The following SLC35F1 variants were observed in gnomAD, a reference collection of about 807,000 sequenced individuals.
SLC35F1 encodes the protein chromosome 6 open reading frame 169.
A neutral mutation model predicts 48.7 loss-of-function variants in SLC35F1; 14 were observed. The observed-to-expected ratio is 0.29, with a 90% CI of 0.19 to 0.45. SLC35F1 has a LOEUF of 0.45. SLC35F1 is among the 20% of genes least tolerant of loss of function. SLC35F1 has a pLI of 1.00. For missense variants in SLC35F1, 404 were observed against 500.0 expected, an observed-to-expected ratio of 0.81 and a Z score of 1.83; for synonymous variants, 190 against 202.2, an observed-to-expected ratio of 0.94 and a Z score of 0.51.
At chr6:117,929,009 C>G (rs1776065128) in intron 1 of SLC35F1, among the ~76,000 whole-genome samples, 1 of 152,020 alleles carries the variant, frequency 6.6e-6, no homozygotes, top group Admixed American at 6.6e-5. Context: ...ATCATCAGGC[C>G]TTCCAGATAG....
chr6:118,169,513 A>G lies in SLC35F1; in HGVS notation c.349+14893A>G, dbSNP rs1044765935. 4.6e-5 allele frequency among the ~76,000 whole-genome samples: 7 copies of G among 152,176 alleles called. No homozygotes were observed. The East Asian group carries it at 1.2e-3, about 25-fold the overall frequency. On this transcript the variant is annotated intron_variant, in intron 2 of 7. Coordinates refer to ENST00000360388, the MANE Select transcript of SLC35F1 (RefSeq NM_001029858.4). ...CGTCAGTTAAATTTCATGATGATCTATTGAGCTGTGTTCCCAACACTATGA... is the reference window on the plus strand; with the variant it reads ...CGTCAGTTAAATTTCATGATGATCTGTTGAGCTGTGTTCCCAACACTATGA...
At chr6:118,162,018 T>G (rs995800546) in intron 2 of SLC35F1, among the ~76,000 whole-genome samples, 1 of 152,168 alleles carries the variant, frequency 6.6e-6, no homozygotes, top group African/African-American at 2.4e-5. Context: ...ACAATTGCAT[T>G]TTTACAAGAG....
At chr6:118,073,252 A>G (rs1031435733) in intron 1 of SLC35F1, among the ~76,000 whole-genome samples, 1 of 152,232 alleles carries the variant, frequency 6.6e-6, no homozygotes, top group Non-Finnish European at 1.5e-5. Flanking sequence ...AGGCTAAAAT[A>G]TAGCCGAATG....
At chr6:118,212,008 G>A (rs975020414) in intron 2 of SLC35F1, among the ~76,000 whole-genome samples, 1 of 152,082 alleles carries the variant, frequency 6.6e-6, no homozygotes, top group Non-Finnish European at 1.5e-5. Flanking sequence ...GTCCCCTCTA[G>A]TTTAGCTACA....
chr6:118,110,540 A>G (rs1171909871), intron 1 of SLC35F1, among the ~76,000 whole-genome samples: 2 of 152,176 alleles, frequency 1.3e-5, no homozygotes, highest in Admixed American at 6.6e-5. Flanking sequence ...GACATAATGT[A>G]TCAGACAAAA....
chr6:118,112,795 G>T (rs1219553633), intron 1 of SLC35F1, among the ~76,000 whole-genome samples: 2 of 152,032 alleles, frequency 1.3e-5, no homozygotes, highest in Non-Finnish European at 2.9e-5. Context: ...GAAAAAGAGT[G>T]GAAGACAACC....
Position 118,276,149 on chromosome 6 carries a change from T to C in SLC35F1, c.794+534T>C, listed in dbSNP as rs111741401. On this transcript the variant is annotated intron_variant, in intron 5 of 7. Coordinates refer to ENST00000360388, the MANE Select transcript of SLC35F1 (RefSeq NM_001029858.4). ...GTGAAGTTATAATACAGACATTCAC[T>C]AAGCATCACAAAGTCAAAAGCACCA... 1.0e-2 allele frequency among the ~76,000 whole-genome samples: 1,517 copies of C among 152,350 alleles called. 26 individuals carry two copies. The highest frequency in any genetic ancestry group is 0.035 in the African/African-American group (1,443 of 41,580).
intron 2 of SLC35F1, among the ~76,000 whole-genome samples, chr6:118,216,194 C>T (rs1775070213): frequency 6.6e-6 from 1 of 151,116 alleles, no homozygotes; most frequent in Admixed American, 6.6e-5. Flanking sequence ...CCTACCAGCT[C>T]AGCCTCTCTT....
intron 1 of SLC35F1, among the ~76,000 whole-genome samples, chr6:117,975,625 T>G (rs1045139953): frequency 1.3e-5 from 2 of 152,198 alleles, no homozygotes; most frequent in African/African-American, 4.8e-5. Context: ...GGAGATGTGA[T>G]TCTCTTATTT....
chr6:118,277,441 A>G, intron 5 of SLC35F1, 53 bp from the exon 6 acceptor site: 1 of 1,457,896 alleles, frequency 6.9e-7, no homozygotes, highest in Non-Finnish European at 9.6e-7. Context: ...AAAGAAAGAA[A>G]GTAGAGTGCA....
chr6:118,288,529 G>A (rs1776079018), intron 7 of SLC35F1, among the ~76,000 whole-genome samples: 1 of 152,190 alleles, frequency 6.6e-6, no homozygotes, highest in Non-Finnish European at 1.5e-5. Flanking sequence ...AGGAATGCCT[G>A]GTTTACCATA....
chr6:118,026,465 A>G (rs1433532659), intron 1 of SLC35F1, among the ~76,000 whole-genome samples: 6 of 152,216 alleles, frequency 3.9e-5, no homozygotes, highest in African/African-American at 1.4e-4. Flanking sequence ...TGGAAAAAAG[A>G]CTATTCTGAC....
intron 2 of SLC35F1, among the ~76,000 whole-genome samples, chr6:118,228,117 A>G (rs116710602): frequency 0.071 from 10,867 of 152,118 alleles, 672 homozygotes; most frequent in African/African-American, 0.16. Context: ...ACTTTTCCCA[A>G]TCTCACTCTC....
chr6:118,168,849 A>G (rs974991781), intron 2 of SLC35F1, among the ~76,000 whole-genome samples: 1 of 152,234 alleles, frequency 6.6e-6, no homozygotes, highest in Non-Finnish European at 1.5e-5. Flanking sequence ...ATCTTATGTT[A>G]TAAAGTGACC....
chr6:118,108,146 T>G (rs1256294307), intron 1 of SLC35F1, among the ~76,000 whole-genome samples: 11 of 152,138 alleles, frequency 7.2e-5, no homozygotes, highest in Non-Finnish European at 1.6e-4. Context: ...CTCAAATATT[T>G]GATTCACACA....
At chr6:118,183,440 T>C (rs948086488) in intron 2 of SLC35F1, among the ~76,000 whole-genome samples, 3 of 151,948 alleles carry the variant, frequency 2.0e-5, no homozygotes, top group Non-Finnish European at 4.4e-5. Flanking sequence ...TGTATACATA[T>C]GTAACTAACC....
At chr6:118,229,380 A>C (rs1271995493) in intron 2 of SLC35F1, among the ~76,000 whole-genome samples, 17 of 152,168 alleles carry the variant, frequency 1.1e-4, no homozygotes, top group African/African-American at 4.1e-4. Context: ...GCTGATTCAG[A>C]GCTGAGGGCT....
At chr6:118,201,054 G>C (rs1261803186) in intron 2 of SLC35F1, among the ~76,000 whole-genome samples, 1 of 152,066 alleles carries the variant, frequency 6.6e-6, no homozygotes. Context: ...TGGGACTACA[G>C]GTGCATGCCA....
chr6:117,992,153 A>C (rs1776927285), intron 1 of SLC35F1, among the ~76,000 whole-genome samples: 1 of 151,870 alleles, frequency 6.6e-6, no homozygotes, highest in Admixed American at 6.6e-5. Flanking sequence ...GGTTTACAAA[A>C]ATTTTTTTCT....
Sources: gnomAD v4.1 joint callset for allele counts (sites outside exome capture counted in the v4.1 genomes callset) on GRCh38, gnomAD v4.1.1 for gene constraint, MANE v1.5 for transcripts, NCBI Gene and HGNC (gene_info 2026-07-23, HGNC 2026-07-21) for gene names.